The following MPP7 variants were observed in gnomAD, a reference collection of about 807,000 sequenced individuals.
MPP7 encodes MAGUK p55 subfamily member 7.
A neutral mutation model predicts 76.5 loss-of-function variants in MPP7; 60 were observed. That is an observed-to-expected ratio of 0.78 (90% CI 0.64 to 0.97). The LOEUF (loss-of-function observed/expected upper bound fraction) is 0.97. Among genes scored for constraint, MPP7 ranks in the 50% least tolerant of loss-of-function variants. MPP7 has a pLI of 0.00. For synonymous variants in MPP7, 237 were observed against 244.5 expected (o/e 0.97, Z 0.29); for missense variants, 641 against 694.0 (o/e 0.92, Z 0.86).
chr10:28,195,225 CAA>C (rs774106324), intron 3 of MPP7, among the ~76,000 whole-genome samples: 6 of 152,196 alleles, frequency 3.9e-5, no homozygotes, highest in Admixed American at 1.3e-4. Context: ...CAGTAAGAAT[CAA>C]AAAGTCAGAT....
At chr10:28,251,776 G>A (rs565511523) in intron 1 of MPP7, among the ~76,000 whole-genome samples, 85 of 152,098 alleles carry the variant, frequency 5.6e-4, no homozygotes, top group Admixed American at 9.8e-4. Flanking sequence ...TTGCCATTTA[G>A]CCAGGCAGGA....
chr10:28,068,426 A>G (rs1301427833), intron 13 of MPP7, among the ~76,000 whole-genome samples: 2 of 152,160 alleles, frequency 1.3e-5, no homozygotes, highest in African/African-American at 4.8e-5. Context: ...TTTTTAAAAC[A>G]GTACTAAAAC....
chr10:28,279,399 T>G (rs1201388631), intron 1 of MPP7, among the ~76,000 whole-genome samples: 1 of 152,026 alleles, frequency 6.6e-6, no homozygotes, highest in Admixed American at 6.5e-5. Flanking sequence ...CTTTCGGGTT[T>G]GTCATTGGCT....
At chr10:28,181,531 G>A (rs937439739) in intron 3 of MPP7, among the ~76,000 whole-genome samples, 2 of 70,984 alleles carry the variant, frequency 2.8e-5, no homozygotes, top group African/African-American at 7.5e-5. Context: ...CCAATGAGAT[G>A]TGAGCATCTA....
In MPP7 at chr10:28,089,769, T is replaced by C. The variant is rs766338474; in HGVS notation, c.1025A>G (p.Lys342Arg). ...KTNKSMYECK[K>R]SDQYDTADVP... ...GTCAGCTGTGTCGTACTGATCACTCTTCTTGCATTCATACATGGATTTATT... is the reference window on the plus strand; with the variant it reads ...GTCAGCTGTGTCGTACTGATCACTCCTCTTGCATTCATACATGGATTTATT... Residue 342 changes from lysine to arginine, a missense_variant, in exon 12 of 17, where the codon AAG becomes AGG. Physicochemically the swap from Lys to Arg is conservative, Grantham distance 26. Coordinates refer to ENST00000683449, the MANE Select transcript of MPP7 (RefSeq NM_001318170.2). 1.2e-6 allele frequency: 2 copies of C among 1,609,034 alleles called. No individual in the cohort carries two copies. The highest frequency in any genetic ancestry group is 2.2e-5 in the South Asian group (2 of 90,798).
chr10:28,144,103 G>T (rs1037144555), intron 5 of MPP7, among the ~76,000 whole-genome samples: 9 of 152,052 alleles, frequency 5.9e-5, no homozygotes, highest in Non-Finnish European at 1.3e-4. Flanking sequence ...TGGCCAGGCT[G>T]GTCTCGAACT....
chr10:28,231,450 A>G (rs1437642278), intron 2 of MPP7, among the ~76,000 whole-genome samples: 15 of 151,858 alleles, frequency 9.9e-5, no homozygotes, highest in Non-Finnish European at 1.8e-4. Flanking sequence ...AAATAAAGCC[A>G]TAAGTTTTAT....
At chr10:28,159,729 A>C (rs1379349724) in intron 3 of MPP7, among the ~76,000 whole-genome samples, 2 of 152,186 alleles carry the variant, frequency 1.3e-5, no homozygotes. Context: ...GGTGAGATGC[A>C]ATGTGGACCC....
At chr10:28,185,608 T>C (rs73608060) in intron 3 of MPP7, among the ~76,000 whole-genome samples, 1,975 of 152,296 alleles carry the variant, frequency 0.013, 45 homozygotes, top group African/African-American at 0.045. Flanking sequence ...AGCCATACAT[T>C]ATTACACTCA....
intron 5 of MPP7, among the ~76,000 whole-genome samples, chr10:28,134,220 G>A (rs1259194858): frequency 6.6e-6 from 1 of 152,070 alleles, no homozygotes; most frequent in East Asian, 1.9e-4. Context: ...CATTCCAAGT[G>A]TATAGCGGTA....
At chr10:28,064,122 T>C (rs1330434487) in intron 13 of MPP7, among the ~76,000 whole-genome samples, 2 of 152,216 alleles carry the variant, frequency 1.3e-5, no homozygotes, top group Non-Finnish European at 2.9e-5. Flanking sequence ...AAAAGACTTG[T>C]ACAAAAACCT....
chr10:28,310,020 T>TTTTTTTA (rs57172078), intron 2 of MPP7, among the ~76,000 whole-genome samples: 1,806 of 144,136 alleles, frequency 0.013, 24 homozygotes, highest in Middle Eastern at 0.029. Flanking sequence ...TTTTTTTTTT[T>TTTTTTTA]AAACGGAGTC....
intron 3 of MPP7, among the ~76,000 whole-genome samples, chr10:28,157,780 T>A (rs1836117301): frequency 6.6e-6 from 1 of 152,230 alleles, no homozygotes; most frequent in Non-Finnish European, 1.5e-5. Flanking sequence ...CACATTCATC[T>A]CTGAGTCTTA....
At chr10:28,109,862 A>AAAAAAAC (rs1294251271) in intron 11 of MPP7, among the ~76,000 whole-genome samples, 11 of 149,514 alleles carry the variant, frequency 7.4e-5, no homozygotes, top group African/African-American at 2.7e-4. Flanking sequence ...AAAAAAAAAA[A>AAAAAAAC]AAAAAAAAAA....
intron 3 of MPP7, among the ~76,000 whole-genome samples, chr10:28,175,217 G>T (rs1006521017): frequency 6.6e-6 from 1 of 152,042 alleles, no homozygotes; most frequent in Non-Finnish European, 1.5e-5. Flanking sequence ...TTGAACCCAG[G>T]GGGCAGAGGG....
rs1418608275 is a variant in MPP7 at position 28,147,687 on chromosome 10, C to T, written c.235-124G>A. On this transcript the variant is annotated intron_variant, in intron 4 of 16. Transcript: ENST00000683449. ...TTTCCAATGTTTAAGGAGAGGTCAGCATAAAAGAAAACAGATCATCAATCA... is the reference window on the plus strand; with the variant it reads ...TTTCCAATGTTTAAGGAGAGGTCAGTATAAAAGAAAACAGATCATCAATCA... 1.5e-5 allele frequency: 12 copies of T among 799,812 alleles called. No individual in the cohort carries two copies. In the Admixed American group the frequency reaches 2.5e-4, roughly 17 times the overall value. The allele number at this position is 799,812 out of a possible 1,614,324, so 49.5% of individuals were successfully genotyped here. A position where few individuals can be genotyped will look rare whatever the true frequency, so the allele number is the denominator to read the frequency against.
At chr10:28,192,218 A>G (rs933562616) in intron 3 of MPP7, among the ~76,000 whole-genome samples, 2 of 152,208 alleles carry the variant, frequency 1.3e-5, no homozygotes, top group Non-Finnish European at 2.9e-5. Flanking sequence ...TTTCCCTAAG[A>G]TCAGTATAAA....
At chr10:28,232,308 T>C (rs990439951) in intron 2 of MPP7, among the ~76,000 whole-genome samples, 7 of 151,852 alleles carry the variant, frequency 4.6e-5, no homozygotes, top group Non-Finnish European at 8.8e-5. Flanking sequence ...GAGCTACAAC[T>C]GCACCACTGT....
chr10:28,266,046 G>A (rs112177834), intron 1 of MPP7, among the ~76,000 whole-genome samples: 6 of 152,094 alleles, frequency 3.9e-5, no homozygotes, highest in East Asian at 3.9e-4. Context: ...TGCAACCTCC[G>A]CCTCCCGAGT....
Sources: gnomAD v4.1 joint callset for allele counts (sites outside exome capture counted in the v4.1 genomes callset) on GRCh38, gnomAD v4.1.1 for gene constraint, MANE v1.5 for transcripts, NCBI Gene and HGNC (gene_info 2026-07-23, HGNC 2026-07-21) for gene names.